Variants in CDH4 observed in about 807,000 individuals in gnomAD.
CDH4 encodes the protein cadherin 4, also known as cadherin-4.
Under a neutral mutation model 86.0 loss-of-function variants are expected in CDH4, and 33 were observed. The observed-to-expected ratio is 0.38, with a 90% CI of 0.29 to 0.51. The LOEUF (loss-of-function observed/expected upper bound fraction) is 0.51, where lower values mean the gene tolerates loss of function less well. Among genes scored for constraint, CDH4 ranks in the 20% least tolerant of loss-of-function variants. CDH4 has a pLI of 0.86. For missense variants in CDH4, 1,114 were observed against 1,307.4 expected, an observed-to-expected ratio of 0.85 and a Z score of 2.28; for synonymous variants, 555 against 549.4, an observed-to-expected ratio of 1.01 and a Z score of -0.14.
intron 2 of CDH4, among the ~76,000 whole-genome samples, chr20:61,662,673 G>A (rs540232680): frequency 1.1e-4 from 17 of 152,316 alleles, no homozygotes; most frequent in Non-Finnish European, 1.6e-4. Context: ...AGAGAGGAAC[G>A]GACAGTGTCT....
chr20:61,611,703 G>C (rs1051514457), intron 2 of CDH4, among the ~76,000 whole-genome samples: 2 of 152,136 alleles, frequency 1.3e-5, no homozygotes, highest in African/African-American at 4.8e-5. Context: ...GCACGCTCAG[G>C]CCAAACGAGG....
At chr20:61,398,598 C>G (rs779929303) in intron 2 of CDH4, among the ~76,000 whole-genome samples, 1 of 152,172 alleles carries the variant, frequency 6.6e-6, no homozygotes, top group Non-Finnish European at 1.5e-5. Context: ...GGAGCCGAGT[C>G]TTTCTTAAAG....
At chr20:61,825,744 A>C (rs888328854) in intron 4 of CDH4, among the ~76,000 whole-genome samples, 3 of 152,212 alleles carry the variant, frequency 2.0e-5, no homozygotes, top group Non-Finnish European at 4.4e-5. Flanking sequence ...TTGCTGTTAC[A>C]TGGTCAGCTG....
chr20:61,649,817 C>T (rs2087103205), intron 2 of CDH4, among the ~76,000 whole-genome samples: 1 of 152,186 alleles, frequency 6.6e-6, no homozygotes, highest in African/African-American at 2.4e-5. Context: ...TGGACTCACT[C>T]GTTATTTCCT....
At chr20:61,617,337 C>T (rs1168222189) in intron 2 of CDH4, among the ~76,000 whole-genome samples, 1 of 152,178 alleles carries the variant, frequency 6.6e-6, no homozygotes, top group Non-Finnish European at 1.5e-5. Flanking sequence ...GCTCAGTGAG[C>T]AGTTAAGGCA....
chr20:61,765,281 G>A (rs2088685308), intron 3 of CDH4, among the ~76,000 whole-genome samples: 1 of 152,186 alleles, frequency 6.6e-6, no homozygotes, highest in South Asian at 2.1e-4. Context: ...CGGGAGTGGT[G>A]ACACCATTTA....
chr20:61,363,850 A>C (rs1387873530), intron 2 of CDH4, among the ~76,000 whole-genome samples: 1 of 152,222 alleles, frequency 6.6e-6, no homozygotes, highest in South Asian at 2.1e-4. Context: ...AGAATGATTC[A>C]ACTTAAATTT....
At chr20:61,261,068 C>T (rs1600813368) in intron 2 of CDH4, among the ~76,000 whole-genome samples, 1 of 152,360 alleles carries the variant, frequency 6.6e-6, no homozygotes, top group South Asian at 2.1e-4. Context: ...GCAGCTGCTT[C>T]TCACAGCTCT....
At chr20:61,772,042 A>G (rs976489167) in intron 3 of CDH4, among the ~76,000 whole-genome samples, 6 of 152,240 alleles carry the variant, frequency 3.9e-5, no homozygotes, top group African/African-American at 1.4e-4. Flanking sequence ...CATCAGTGTC[A>G]GTCCTGACAG....
rs573324197 is a variant in CDH4 at position 61,513,106 on chromosome 20, A to G, written c.170-230457A>G. Among the ~76,000 whole-genome samples the G allele has an allele frequency of 7.2e-5, 11 of 152,276 alleles. 1 individual carries two copies. The South Asian group carries it at 2.3e-3, about 32-fold the overall frequency. On this transcript the variant is annotated intron_variant, in intron 2 of 15. Transcript: ENST00000614565. ...CCTTGTGGGATTTTGTCCTACAGGT[A>G]GGCCGTCCATTCCTCCCTTTCCAGG...
chr20:61,781,480 T>C (rs557703985), intron 4 of CDH4, among the ~76,000 whole-genome samples: 1 of 152,266 alleles, frequency 6.6e-6, no homozygotes, highest in Admixed American at 6.5e-5. Context: ...AACTGAAAAG[T>C]ACAGTATCTC....
At chr20:61,869,514 A>G (rs1256069346) in intron 6 of CDH4, among the ~76,000 whole-genome samples, 1 of 152,214 alleles carries the variant, frequency 6.6e-6, no homozygotes, top group African/African-American at 2.4e-5. Flanking sequence ...CACTGGACCC[A>G]GCCACGTTCC....
At chr20:61,781,255 A>AGAGG (rs1476696144) in intron 4 of CDH4, among the ~76,000 whole-genome samples, 1 of 149,578 alleles carries the variant, frequency 6.7e-6, no homozygotes, top group Non-Finnish European at 1.5e-5. Context: ...TCAAAAAGAG[A>AGAGG]GAAAATGTGA....
chr20:61,388,286 G>C (rs550238264), intron 2 of CDH4, among the ~76,000 whole-genome samples: 1 of 152,076 alleles, frequency 6.6e-6, no homozygotes, highest in African/African-American at 2.4e-5. Flanking sequence ...GGGGTAGGGG[G>C]GTGTGGGGTT....
At chr20:61,712,723 G>A (rs927704948) in intron 2 of CDH4, among the ~76,000 whole-genome samples, 9 of 152,204 alleles carry the variant, frequency 5.9e-5, no homozygotes, top group African/African-American at 2.2e-4. Context: ...CAGGAGCCGT[G>A]GCGAGCTGGC....
chr20:61,692,241 A>G (rs3831187), intron 2 of CDH4, among the ~76,000 whole-genome samples: 14 of 97,530 alleles, frequency 1.4e-4, no homozygotes, highest in South Asian at 3.6e-4. Context: ...GTGTGTATGT[A>G]TGTGTGTGTA....
Position 61,902,616 on chromosome 20 carries a change from A to C in CDH4, c.1188+7569A>C, listed in dbSNP as rs561291627. Reference sequence around the variant, plus strand: ...GGCAACTCCGAAACTCCGCCATTGTAGGACAAAAACAACCACAGACAAAAC... The same window carrying C: ...GGCAACTCCGAAACTCCGCCATTGTCGGACAAAAACAACCACAGACAAAAC... On this transcript the variant is annotated intron_variant, in intron 8 of 15. Coordinates refer to ENST00000614565, the MANE Select transcript of CDH4 (RefSeq NM_001794.5). This position sits in a 1 kb window ranked among gnomAD's most constrained non-coding sequence, Gnocchi z 4.6. Among the ~76,000 whole-genome samples the C allele has an allele frequency of 2.4e-4, 36 of 152,348 alleles. No homozygotes were observed. The highest frequency in any genetic ancestry group is 8.4e-4 in the African/African-American group (35 of 41,594).
chr20:61,866,150 G>A (rs544105867), intron 6 of CDH4, among the ~76,000 whole-genome samples: 5 of 151,854 alleles, frequency 3.3e-5, no homozygotes, highest in East Asian at 1.9e-4. Context: ...GAGGACCCTC[G>A]GTGCCACCCC....
intron 2 of CDH4, among the ~76,000 whole-genome samples, chr20:61,534,649 T>TTTTC (rs1212971094): frequency 6.0e-4 from 65 of 108,982 alleles, no homozygotes; most frequent in African/African-American, 1.5e-3. Flanking sequence ...TCTTTCTTTC[T>TTTTC]TTTCTTTCTT....
Sources: gnomAD v4.1 joint callset for allele counts (sites outside exome capture counted in the v4.1 genomes callset) on GRCh38, gnomAD v4.1.1 for gene constraint, Gnocchi (gnomAD v3.1) non-coding constraint, MANE v1.5 for transcripts, NCBI Gene and HGNC (gene_info 2026-07-23, HGNC 2026-07-21) for gene names.